Variants in LMBRD1 observed in about 807,000 individuals in gnomAD.
LMBRD1 encodes the protein lysosomal cobalamin transport escort protein LMBD1.
Under a neutral mutation model 74.8 loss-of-function variants are expected in LMBRD1, and 64 were observed. The observed-to-expected ratio is 0.86, with a 90% CI of 0.70 to 1.05. The LOEUF is 1.05. LMBRD1 is among the 50% of genes least tolerant of loss of function. The pLI is 0.00. For synonymous variants in LMBRD1, 204 were observed against 216.3 expected, an observed-to-expected ratio of 0.94 and a Z score of 0.50; for missense variants, 652 against 645.9, an observed-to-expected ratio of 1.01 and a Z score of -0.10.
intron 7 of LMBRD1, among the ~76,000 whole-genome samples, chr6:69,732,961 T>C (rs1766892819): frequency 6.6e-6 from 1 of 152,148 alleles, no homozygotes; most frequent in Non-Finnish European, 1.5e-5. Flanking sequence ...CAAACTAATA[T>C]GCTGTTTGAC....
At chr6:69,712,760 A>C (rs1766410974) in intron 9 of LMBRD1, among the ~76,000 whole-genome samples, 1 of 152,142 alleles carries the variant, frequency 6.6e-6, no homozygotes, top group African/African-American at 2.4e-5. Flanking sequence ...AAGGGGAGGC[A>C]GTTACACAAG....
At chr6:69,754,086 G>C (rs1765222267) in intron 3 of LMBRD1, among the ~76,000 whole-genome samples, 2 of 152,130 alleles carry the variant, frequency 1.3e-5, no homozygotes, top group Non-Finnish European at 2.9e-5. Context: ...GGTACTGAGA[G>C]TAGTCAAAAG....
At chr6:69,715,858 A>T (rs1766477450) in intron 8 of LMBRD1, among the ~76,000 whole-genome samples, 1 of 152,074 alleles carries the variant, frequency 6.6e-6, no homozygotes, top group African/African-American at 2.4e-5. Context: ...TCCATTTGTG[A>T]GAACATGCAG....
chr6:69,722,690 G>A (rs372478588), intron 7 of LMBRD1, among the ~76,000 whole-genome samples: 1 of 151,882 alleles, frequency 6.6e-6, no homozygotes, highest in Non-Finnish European at 1.5e-5. Context: ...AACATACAAC[G>A]AATACTTAAA....
chr6:69,704,589 G>GT (rs1388017518), intron 9 of LMBRD1, among the ~76,000 whole-genome samples: 6 of 152,050 alleles, frequency 3.9e-5, no homozygotes, highest in Admixed American at 3.9e-4. Context: ...AGCTTATTAA[G>GT]TGCTTTCCCA....
chr6:69,781,112 G>T (rs1765825045), intron 2 of LMBRD1, among the ~76,000 whole-genome samples: 1 of 152,130 alleles, frequency 6.6e-6, no homozygotes, highest in Admixed American at 6.5e-5. Context: ...ACTTCAGAAA[G>T]AACATATTTG....
chr6:69,773,343 T>C (rs1765613915), intron 3 of LMBRD1, among the ~76,000 whole-genome samples: 1 of 152,192 alleles, frequency 6.6e-6, no homozygotes, highest in Admixed American at 6.5e-5. Flanking sequence ...TCCAGAACTA[T>C]GAGCCAATAA....
intron 9 of LMBRD1, among the ~76,000 whole-genome samples, chr6:69,710,516 A>T (rs530916967): frequency 5.3e-5 from 8 of 152,276 alleles, no homozygotes; most frequent in African/African-American, 1.9e-4. Context: ...GAAACATCTG[A>T]ATTACAGTTA....
intron 2 of LMBRD1, among the ~76,000 whole-genome samples, chr6:69,789,790 C>T (rs1396324518): frequency 6.6e-6 from 1 of 152,158 alleles, no homozygotes; most frequent in Non-Finnish European, 1.5e-5. Context: ...CTTTAGTCCA[C>T]ACCCTTCATT....
At chr6:69,681,282 TC>T (rs950403962) in intron 14 of LMBRD1, among the ~76,000 whole-genome samples, 9 of 152,034 alleles carry the variant, frequency 5.9e-5, no homozygotes, top group African/African-American at 2.2e-4. Context: ...CTACCACCAT[TC>T]CTTCATCTCT....
chr6:69,680,212 T>G (rs559871152), intron 14 of LMBRD1, among the ~76,000 whole-genome samples: 1 of 152,290 alleles, frequency 6.6e-6, no homozygotes, highest in African/African-American at 2.4e-5. Context: ...ATAATTATTT[T>G]AAAAACAAGA....
intron 3 of LMBRD1, among the ~76,000 whole-genome samples, chr6:69,765,761 G>A (rs1209273152): frequency 2.5e-4 from 38 of 152,066 alleles, no homozygotes; most frequent in Non-Finnish European, 1.2e-4. Flanking sequence ...CCATAATATG[G>A]AATTGTTTAT....
intron 7 of LMBRD1, among the ~76,000 whole-genome samples, chr6:69,726,984 T>A (rs762544234): frequency 1.1e-4 from 16 of 152,062 alleles, no homozygotes; most frequent in African/African-American, 3.9e-4. Context: ...TGAAATCCCA[T>A]CTCTACTAAA....
chr6:69,701,975 T>G, intron 9 of LMBRD1, 22 bp from the exon 10 acceptor site: 1 of 1,423,926 alleles, frequency 7.0e-7, no homozygotes, highest in Non-Finnish European at 9.9e-7. Context: ...AATATATTCA[T>G]TAAAATATAG....
At chr6:69,779,185 CAA>C (rs11397050) in intron 3 of LMBRD1, among the ~76,000 whole-genome samples, 5 of 100,148 alleles carry the variant, frequency 5.0e-5, no homozygotes, top group Non-Finnish European at 5.8e-5. Flanking sequence ...GACTCAGTCT[CAA>C]AAAAAAAAAA....
intron 3 of LMBRD1, among the ~76,000 whole-genome samples, chr6:69,778,589 A>G (rs1765754973): frequency 6.6e-6 from 1 of 152,294 alleles, no homozygotes; most frequent in Non-Finnish European, 1.5e-5. Flanking sequence ...TTATCTCAAC[A>G]TATGTTCTAC....
At chr6:69,683,976 T>C (rs1765713594) in intron 14 of LMBRD1, among the ~76,000 whole-genome samples, 1 of 152,078 alleles carries the variant, frequency 6.6e-6, no homozygotes, top group African/African-American at 2.4e-5. Flanking sequence ...CACTTCCCAG[T>C]TCCTGATATT....
intron 5 of LMBRD1, chr6:69,746,533 CA>C (rs1329371003): frequency 6.5e-6 from 1 of 153,232 alleles, no homozygotes; most frequent in Non-Finnish European, 1.5e-5. Context: ...AGCTTACTGG[CA>C]TAACTTTCCA....
At chr6:69,736,438 C>A (rs1225346096) in intron 7 of LMBRD1, among the ~76,000 whole-genome samples, 1 of 152,108 alleles carries the variant, frequency 6.6e-6, no homozygotes, top group Non-Finnish European at 1.5e-5. Context: ...ACTCCGGGAA[C>A]CAACACACAA....
Sources: gnomAD v4.1 joint callset for allele counts (sites outside exome capture counted in the v4.1 genomes callset) on GRCh38, gnomAD v4.1.1 for gene constraint, MANE v1.5 for transcripts, NCBI Gene and HGNC (gene_info 2026-07-23, HGNC 2026-07-21) for gene names.